LY96: variants seen among roughly 807,000 people sequenced by gnomAD.
LY96 encodes the protein myeloid differentiation protein-2.
Under a neutral mutation model 18.9 loss-of-function variants are expected in LY96, and 18 were observed. The ratio of observed to expected loss-of-function variants is 0.95; its 90% CI spans 0.66 to 1.41. The LOEUF (loss-of-function observed/expected upper bound fraction) is 1.41, where lower values mean the gene tolerates loss of function less well. LY96 is among the 40% of genes most tolerant of loss of function. The pLI is 0.00. For synonymous variants in LY96, 66 were observed against 62.6 expected, an observed-to-expected ratio of 1.06 and a Z score of -0.26; for missense variants, 175 against 182.4, an observed-to-expected ratio of 0.96 and a Z score of 0.23.
chr8:73,995,085 G>A (rs1203486461), intron 1 of LY96, among the ~76,000 whole-genome samples: 2 of 152,138 alleles, frequency 1.3e-5, no homozygotes, highest in Non-Finnish European at 2.9e-5. Context: ...TCATTATTGA[G>A]GGAGTGAGTT....
At chr8:74,044,013 T>G in the LY96 span, among the ~76,000 whole-genome samples, 1 of 152,054 alleles carries the variant, frequency 6.6e-6, no homozygotes, top group Admixed American at 6.6e-5. Flanking sequence ...AAAGGGAACC[T>G]CCTGCCTCAG....
At chr8:74,054,541 TTCCTTCCTTCCTTC>T in the LY96 span, among the ~76,000 whole-genome samples, 4 of 139,080 alleles carry the variant, frequency 2.9e-5, no homozygotes, top group Non-Finnish European at 6.1e-5. Context: ...CCTTCCTTCC[TTCCTTCCTTCCTTC>T]CTTCCTTTCT....
the LY96 span, among the ~76,000 whole-genome samples, chr8:74,077,661 G>T: frequency 6.6e-6 from 1 of 151,490 alleles, no homozygotes. Context: ...ATAATGAAAA[G>T]ATAAATATAG....
intron 3 of LY96, among the ~76,000 whole-genome samples, chr8:74,014,604 C>G (rs1172338483): frequency 2.0e-5 from 3 of 151,256 alleles, no homozygotes; most frequent in Admixed American, 1.3e-4. Context: ...TATGTGGGCC[C>G]AGAACTTAGG....
intron 1 of LY96, among the ~76,000 whole-genome samples, chr8:74,000,292 T>C (rs1816236514): frequency 6.8e-6 from 1 of 147,464 alleles, no homozygotes; most frequent in African/African-American, 2.5e-5. Flanking sequence ...AGATCCTTGC[T>C]CTTAAGTTCC....
At chr8:74,097,487 G>A in the LY96 span, among the ~76,000 whole-genome samples, 1 of 152,090 alleles carries the variant, frequency 6.6e-6, no homozygotes, top group African/African-American at 2.4e-5. Flanking sequence ...TGAGGTGGGT[G>A]GATCACTTGA....
intron 1 of LY96, among the ~76,000 whole-genome samples, chr8:73,999,417 A>T (rs191987572): frequency 6.6e-6 from 1 of 152,096 alleles, no homozygotes; most frequent in East Asian, 1.9e-4. Flanking sequence ...GTGCCATCAC[A>T]TCCAGCTAAT....
chr8:74,012,967 G>A (rs1331769728), intron 3 of LY96, among the ~76,000 whole-genome samples: 1 of 148,490 alleles, frequency 6.7e-6, no homozygotes, highest in East Asian at 2.0e-4. Flanking sequence ...TTTTTTTTTT[G>A]AGACAAGATC....
chr8:74,009,374 C>CAAAAAAAAAAAAAAAAAAAAAAAAAAA (rs370593442), intron 2 of LY96, among the ~76,000 whole-genome samples: 29 of 58,794 alleles, frequency 4.9e-4, no homozygotes, highest in Admixed American at 7.8e-4. Context: ...CAGTCTTTCT[C>CAAAAAAAAAAAAAAAAAAAAAAAAAAA]AAAAAAAAAA....
chr8:74,046,798 C>T, the LY96 span, among the ~76,000 whole-genome samples: 1 of 152,102 alleles, frequency 6.6e-6, no homozygotes, highest in South Asian at 2.1e-4. Flanking sequence ...CCAGCAATCC[C>T]CCTTCTTTTT....
the LY96 span, among the ~76,000 whole-genome samples, chr8:74,070,441 T>C: frequency 1.3e-5 from 2 of 152,264 alleles, no homozygotes; most frequent in African/African-American, 4.8e-5. Flanking sequence ...CTTCTTTAGA[T>C]GGTGACAAAT....
chr8:74,006,267 G>A (rs55704405), intron 2 of LY96, among the ~76,000 whole-genome samples: 42 of 152,034 alleles, frequency 2.8e-4, no homozygotes, highest in Non-Finnish European at 4.9e-4. Context: ...TGATCTCGTC[G>A]GCTCACTGCA....
At chr8:74,032,951 A>G (rs1207638860), downstream of LY96, among the ~76,000 whole-genome samples, 3 of 152,176 alleles carry the variant, frequency 2.0e-5, no homozygotes, top group East Asian at 5.8e-4. Context: ...GAAGCAGTTG[A>G]TATGCTTCAT....
At chr8:74,018,833 T>A (rs949852284) in intron 3 of LY96, among the ~76,000 whole-genome samples, 1 of 152,136 alleles carries the variant, frequency 6.6e-6, no homozygotes, top group East Asian at 1.9e-4. Context: ...ACTGGGTACA[T>A]AACGAAATGA....
chr8:74,069,988 T>C, the LY96 span, among the ~76,000 whole-genome samples: 24 of 152,338 alleles, frequency 1.6e-4, no homozygotes, highest in South Asian at 1.0e-3. Context: ...TCTTCTACAC[T>C]TCTTAGTTGG....
chr8:74,091,802 C>T, the LY96 span, among the ~76,000 whole-genome samples: 2 of 152,142 alleles, frequency 1.3e-5, no homozygotes, highest in Non-Finnish European at 2.9e-5. Context: ...CAGTATGTCC[C>T]CATTTCTTTG....
chr8:74,093,815 C>T, the LY96 span, among the ~76,000 whole-genome samples: 1 of 152,098 alleles, frequency 6.6e-6, no homozygotes, highest in Non-Finnish European at 1.5e-5. Flanking sequence ...AACTCAACAT[C>T]TAAAAATAAT....
intron 1 of LY96, among the ~76,000 whole-genome samples, chr8:73,996,905 C>T (rs190710845): frequency 1.8e-3 from 259 of 147,836 alleles, no homozygotes; most frequent in African/African-American, 5.7e-3. Flanking sequence ...CCACCACACC[C>T]GGCTAATTTT....
the LY96 span, among the ~76,000 whole-genome samples, chr8:74,063,583 C>T: frequency 2.0e-5 from 3 of 152,092 alleles, no homozygotes; most frequent in African/African-American, 7.2e-5. Flanking sequence ...AATAAATTTA[C>T]ATCTGTTCAC....
Sources: gnomAD v4.1 joint callset for allele counts (sites outside exome capture counted in the v4.1 genomes callset) on GRCh38, gnomAD v4.1.1 for gene constraint, MANE v1.5 for transcripts, NCBI Gene and HGNC (gene_info 2026-07-23, HGNC 2026-07-21) for gene names.